The following MTA3 variants were observed in gnomAD, a reference collection of about 807,000 sequenced individuals.
The protein encoded by MTA3 is metastasis associated 1 family member 3.
MTA3 carries 34 observed loss-of-function variants against 83.5 expected under a neutral mutation model. The observed-to-expected ratio is 0.41, with a 90% confidence interval of 0.31 to 0.54. The LOEUF is 0.54. MTA3 is among the 20% of genes least tolerant of loss of function. The pLI, the probability that MTA3 is intolerant of heterozygous loss-of-function variation, is 0.33. For synonymous variants in MTA3, 303 were observed against 252.7 expected, an observed-to-expected ratio of 1.20 and a Z score of -1.89; for missense variants, 761 against 726.4, an observed-to-expected ratio of 1.05 and a Z score of -0.55.
chr2:42,559,965 C>A (rs1177634987), intron 2 of MTA3, among the ~76,000 whole-genome samples: 2 of 151,968 alleles, frequency 1.3e-5, no homozygotes, highest in Non-Finnish European at 2.9e-5. Context: ...TTACTTCTCT[C>A]TTCCTTGAAA....
At chr2:42,531,173 C>T (rs1445040342) in intron 2 of MTA3, among the ~76,000 whole-genome samples, 1 of 152,058 alleles carries the variant, frequency 6.6e-6, no homozygotes, top group African/African-American at 2.4e-5. Flanking sequence ...GTAAGTAAGC[C>T]GGACTTTCAT....
intron 3 of MTA3, among the ~76,000 whole-genome samples, chr2:42,608,828 G>A (rs746461766): frequency 9.2e-5 from 14 of 152,092 alleles, no homozygotes; most frequent in Non-Finnish European, 1.9e-4. Context: ...TGTTTGCAGT[G>A]AGCTGAGATT....
intron 2 of MTA3, among the ~76,000 whole-genome samples, chr2:42,560,592 AACAC>A (rs368564576): frequency 2.3e-4 from 35 of 149,402 alleles, no homozygotes; most frequent in East Asian, 3.9e-4. Flanking sequence ...AAACAAACAA[AACAC>A]ACACACACAC....
At chr2:42,583,950 T>A (rs1293882749) in intron 3 of MTA3, among the ~76,000 whole-genome samples, 1 of 151,820 alleles carries the variant, frequency 6.6e-6, no homozygotes, top group Non-Finnish European at 1.5e-5. Context: ...TTCAAGCGAT[T>A]CTCCTGTCTC....
chr2:42,529,688 A>C (rs1213763070), intron 2 of MTA3, among the ~76,000 whole-genome samples: 1 of 152,132 alleles, frequency 6.6e-6, no homozygotes, highest in African/African-American at 2.4e-5. Flanking sequence ...ACCAGCAGTG[A>C]GGTATTTGAG....
upstream of MTA3, among the ~76,000 whole-genome samples, chr2:42,566,605 G>A (rs535224562): frequency 1.3e-5 from 2 of 152,280 alleles, no homozygotes; most frequent in African/African-American, 4.8e-5. Flanking sequence ...GGGACATAGG[G>A]AGGAGTTTTC....
Position 42,755,038 on chromosome 2 carries a change from A to T in MTA3, c.*1639A>T, listed in dbSNP as rs868361488. 7 of 985,660 alleles carry T rather than the reference A, an allele frequency of 7.1e-6. No homozygotes were observed. The African/African-American group carries it at 1.2e-4, about 17-fold the overall frequency. The allele number at this position is 985,660 out of a possible 1,614,324, so 61.1% of individuals were successfully genotyped here. A position where few individuals can be genotyped will look rare whatever the true frequency, so the allele number is the denominator to read the frequency against. On this transcript the variant is annotated 3_prime_UTR_variant, in exon 17 of 17. Transcript: ENST00000405094. ...GGGCGCTGAGGGTGGGGCCTGTGTC[A>T]GAAGCATTTGGTGAGAGGGGTGGAG...
chr2:42,657,062 A>T (rs1689237143), intron 7 of MTA3, among the ~76,000 whole-genome samples: 1 of 152,186 alleles, frequency 6.6e-6, no homozygotes, highest in African/African-American at 2.4e-5. Context: ...TTAAATGGGT[A>T]TATATAGTAT....
chr2:42,729,902 G>C (rs1237700283), intron 16 of MTA3, among the ~76,000 whole-genome samples: 2 of 152,132 alleles, frequency 1.3e-5, no homozygotes, highest in African/African-American at 2.4e-5. Flanking sequence ...CATTTTAACA[G>C]TATCGATTCT....
intron 2 of MTA3, among the ~76,000 whole-genome samples, chr2:42,524,895 C>T (rs1220667071): frequency 5.4e-5 from 8 of 147,498 alleles, no homozygotes; most frequent in African/African-American, 1.7e-4. Flanking sequence ...GGCATCCTGG[C>T]GGGGACCGAA....
chr2:42,553,544 T>C (rs1286193947), intron 2 of MTA3, among the ~76,000 whole-genome samples: 2 of 151,420 alleles, frequency 1.3e-5, no homozygotes, highest in Non-Finnish European at 2.9e-5. Flanking sequence ...GAAACCAGCC[T>C]GGCCAACATG....
intron 4 of MTA3, among the ~76,000 whole-genome samples, chr2:42,621,647 C>T (rs1685552440): frequency 6.6e-6 from 1 of 152,196 alleles, no homozygotes; most frequent in Non-Finnish European, 1.5e-5. Flanking sequence ...CTGTTGGGTA[C>T]ACCTCCCAGA....
upstream of MTA3, among the ~76,000 whole-genome samples, chr2:42,566,005 G>A (rs1052824731): frequency 5.3e-5 from 8 of 151,868 alleles, no homozygotes; most frequent in South Asian, 4.2e-4. Context: ...GCGAAACTCC[G>A]TCTCAAAAAA....
intron 4 of MTA3, among the ~76,000 whole-genome samples, chr2:42,616,969 A>G (rs994502650): frequency 6.6e-6 from 1 of 152,198 alleles, no homozygotes. Flanking sequence ...ACTCTGAGCA[A>G]GGGTGGCTTG....
intron 14 of MTA3, among the ~76,000 whole-genome samples, chr2:42,715,894 C>T (rs1666991446): frequency 6.6e-6 from 1 of 152,162 alleles, no homozygotes; most frequent in African/African-American, 2.4e-5. Context: ...CAAGATGACT[C>T]ATTCCAGCTT....
chr2:42,560,799 C>T (rs1677641151), intron 2 of MTA3, among the ~76,000 whole-genome samples: 1 of 151,938 alleles, frequency 6.6e-6, no homozygotes, highest in East Asian at 1.9e-4. Flanking sequence ...CCCAGCTACT[C>T]AGGAGGCTGA....
chr2:42,686,248 G>C (rs553742214), intron 9 of MTA3, among the ~76,000 whole-genome samples: 2 of 152,306 alleles, frequency 1.3e-5, no homozygotes, highest in South Asian at 4.1e-4. Context: ...TTTGGGTATA[G>C]ATATTTTTAT....
intron 4 of MTA3, among the ~76,000 whole-genome samples, chr2:42,624,000 A>G (rs1402379039): frequency 1.3e-5 from 2 of 152,012 alleles, no homozygotes; most frequent in Non-Finnish European, 2.9e-5. Context: ...AGGCTGAGCC[A>G]CTTCGCCCGG....
chr2:42,684,179 C>G (rs1016500433), intron 9 of MTA3, among the ~76,000 whole-genome samples: 1 of 152,042 alleles, frequency 6.6e-6, no homozygotes, highest in African/African-American at 2.4e-5. Context: ...CTTATAGTTC[C>G]TTTGAAATGG....
Sources: allele counts gnomAD v4.1 joint callset (sites outside exome capture counted in the v4.1 genomes callset), GRCh38; gene constraint gnomAD v4.1.1; transcripts MANE v1.5; gene names NCBI Gene and HGNC (gene_info 2026-07-23, HGNC 2026-07-21).